The following SEPTIN12 variants were observed in gnomAD, a reference collection of about 807,000 sequenced individuals.
SEPTIN12 encodes septin 12, also known as septin-12.
A neutral mutation model predicts 37.7 loss-of-function variants in SEPTIN12; 42 were observed. The ratio of observed to expected loss-of-function variants is 1.11; its 90% CI spans 0.87 to 1.44. The LOEUF (loss-of-function observed/expected upper bound fraction) is 1.44, where lower values mean the gene tolerates loss of function less well. SEPTIN12 is among the 40% of genes most tolerant of loss of function. The pLI is 0.00. For synonymous variants in SEPTIN12, 254 were observed against 196.7 expected, an observed-to-expected ratio of 1.29 and a Z score of -2.44; for missense variants, 613 against 479.2, an observed-to-expected ratio of 1.28 and a Z score of -2.61.
rs1302642347 is a variant in SEPTIN12, at chr16:4,787,606, A to C, written c.40T>G (p.Ser14Ala). The C allele has an allele frequency of 6.2e-6, 10 of 1,603,654 alleles. No individual in the cohort carries two copies. The highest frequency in any genetic ancestry group is 5.3e-5 in the African/African-American group (4 of 74,874). Reference sequence around the variant, plus strand: ...GGGGTGCTGGGGCTGGAGGGCTGCGAGGACAGGCAGGGAGAGGGGGAGCGC... The same window carrying C: ...GGGGTGCTGGGGCTGGAGGGCTGCGCGGACAGGCAGGGAGAGGGGGAGCGC... ...LRRSPSPCLS[S>A]QPSSPSTPPC... is the part of the protein sequence containing the mutation. The change falls in exon 2 of 10, where the codon TCG becomes GCG. Residue 14 changes from serine to alanine, a missense_variant. Coordinates refer to ENST00000268231, the MANE Select transcript of SEPTIN12 (RefSeq NM_144605.5).
Position 4,779,687 on chromosome 16 carries a change from G to A in SEPTIN12, c.823+3C>T, listed in dbSNP as rs766430942. On this transcript the variant is annotated splice_donor_region_variant and intron_variant, in intron 8 of 9. Coordinates refer to ENST00000268231, the MANE Select transcript of SEPTIN12 (RefSeq NM_144605.5). ...GCATCCTACCCAGGGGCCCCGCACT[G>A]ACCTTCAATGATGCCCCACTTGGTC... 1 of 1,602,672 alleles carries A rather than the reference G, an allele frequency of 6.2e-7. No homozygotes were observed. Among genetic ancestry groups the A allele is most frequent in the Non-Finnish European group, 8.5e-7 (1 of 1,169,746 alleles).
At chr16:4,780,098 G>T (rs2141866264) in intron 7 of SEPTIN12, among the ~76,000 whole-genome samples, 1 of 151,990 alleles carries the variant, frequency 6.6e-6, no homozygotes, top group Admixed American at 6.6e-5. Flanking sequence ...AAAATTAGCT[G>T]AGCTTATAAT....
chr16:4,781,332 G>A (rs1036865635), intron 7 of SEPTIN12, among the ~76,000 whole-genome samples: 5 of 151,340 alleles, frequency 3.3e-5, no homozygotes, highest in South Asian at 4.2e-4. Context: ...TGTACGGTAC[G>A]GGGGTTTTTA....
intron 7 of SEPTIN12, among the ~76,000 whole-genome samples, chr16:4,781,545 T>G (rs1253204305): frequency 6.6e-6 from 1 of 152,128 alleles, no homozygotes; most frequent in African/African-American, 2.4e-5. Flanking sequence ...TGGAATCCCA[T>G]AATACGTGAC....
intron 7 of SEPTIN12, among the ~76,000 whole-genome samples, chr16:4,780,453 TG>T (rs1208942962): frequency 6.6e-6 from 1 of 152,148 alleles, no homozygotes; most frequent in African/African-American, 2.4e-5. Flanking sequence ...TTTTTGTCTA[TG>T]GCTGCTCTTG....
chr16:4,783,991 C>T lies in SEPTIN12; in HGVS notation c.452G>A (p.Arg151His), dbSNP rs767297935. The T allele has an allele frequency of 1.5e-5, 24 of 1,614,036 alleles. No homozygotes were observed. In the East Asian group the frequency reaches 3.1e-4, roughly 21 times the overall value. ...GTGCACCCGGGTGTCTGGGATGTGG[C>T]GCTGGCGGGTGATGAGGATCTCCTC... ...LQEEILITRQ[R>H]HIPDTRVHCC... Residue 151 changes from arginine (R) to histidine (H), a missense_variant, in exon 5 of 10, where the codon CGC becomes CAC. Arg to His is a conservative substitution (Grantham distance 29, BLOSUM62 0). Coordinates refer to ENST00000268231, the MANE Select transcript of SEPTIN12 (RefSeq NM_144605.5).
At chr16:4,782,755 C>G (rs2082385701) in intron 7 of SEPTIN12, among the ~76,000 whole-genome samples, 2 of 152,136 alleles carry the variant, frequency 1.3e-5, no homozygotes, top group South Asian at 2.1e-4. Flanking sequence ...AGGCACCCAC[C>G]ACCACGCCCA....
intron 8 of SEPTIN12, among the ~76,000 whole-genome samples, chr16:4,779,222 A>G (rs1209285290): frequency 6.6e-6 from 1 of 152,086 alleles, no homozygotes; most frequent in Non-Finnish European, 1.5e-5. Context: ...CTAGCTCCCT[A>G]AGGCAGTCTC....
upstream of SEPTIN12, among the ~76,000 whole-genome samples, chr16:4,790,790 GTAAA>G (rs574580783): frequency 3.7e-4 from 57 of 152,126 alleles, no homozygotes; most frequent in East Asian, 1.4e-3. Context: ...CCCTAGCTCA[GTAAA>G]TAAATAAATA....
chr16:4,781,848 C>A (rs992149898), intron 7 of SEPTIN12, among the ~76,000 whole-genome samples: 1 of 148,758 alleles, frequency 6.7e-6, no homozygotes, highest in Non-Finnish European at 1.5e-5. Context: ...TTCTCCATGT[C>A]GGTCAGGCTG....
Position 4,778,016 on chromosome 16 carries a change from G to A in SEPTIN12, c.876-18C>T. The A allele has an allele frequency of 1.2e-6, 2 of 1,612,322 alleles. No individual in the cohort carries two copies. Among genetic ancestry groups the A allele is most frequent in the Non-Finnish European group, 1.7e-6 (2 of 1,179,060 alleles). On this transcript the variant is annotated intron_variant, in intron 9 of 9. Transcript: ENST00000268231. ...GGTGGGAGCTGGGGGACCGGAGACG[G>A]TCAGCCCCGATGGTGGTGTCCCCAG...
chr16:4,789,021 T>C (rs2082506064), upstream of SEPTIN12, among the ~76,000 whole-genome samples: 1 of 152,228 alleles, frequency 6.6e-6, no homozygotes, highest in South Asian at 2.1e-4. Flanking sequence ...GCTGTTTCTT[T>C]TTTTGTTGTT....
chr16:4,779,888 C>G (rs1015295900), intron 7 of SEPTIN12, 102 bp from the exon 8 acceptor site: 3 of 756,774 alleles, frequency 4.0e-6, no homozygotes, highest in East Asian at 5.2e-5. Flanking sequence ...CTATCCTTTT[C>G]GAGGAGGGAA....
chr16:4,783,260 G>C, intron 7 of SEPTIN12: 1 of 598,560 alleles, frequency 1.7e-6, no homozygotes, highest in South Asian at 1.9e-5. Context: ...TATGTGATTC[G>C]CAGACATTTT....
chr16:4,778,018 C>A lies in SEPTIN12; in HGVS notation c.876-20G>T, dbSNP rs1227982901. ...TGGGAGCTGGGGGACCGGAGACGGTCAGCCCCGATGGTGGTGTCCCCAGGG... is the reference window on the plus strand; with the variant it reads ...TGGGAGCTGGGGGACCGGAGACGGTAAGCCCCGATGGTGGTGTCCCCAGGG... On this transcript the variant is annotated intron_variant, in intron 9 of 9. Transcript: ENST00000268231. 1.2e-6 allele frequency: 2 copies of A among 1,612,278 alleles called. No homozygotes were observed. The highest frequency in any genetic ancestry group is 2.7e-5 in the African/African-American group (2 of 74,926).
intron 7 of SEPTIN12, among the ~76,000 whole-genome samples, chr16:4,782,249 C>G (rs2082380560): frequency 6.6e-6 from 1 of 152,072 alleles, no homozygotes; most frequent in Non-Finnish European, 1.5e-5. Flanking sequence ...TGAGCCCAGC[C>G]TTGAACTGTA....
chr16:4,783,043 G>A (rs1268337667), intron 7 of SEPTIN12, among the ~76,000 whole-genome samples: 1 of 151,734 alleles, frequency 6.6e-6, no homozygotes, highest in Admixed American at 6.6e-5. Context: ...GAGTAGCTGG[G>A]ACTAAAGGCG....
rs1244955320 is a variant in SEPTIN12 at position 4,784,011 on chromosome 16, C to A, written c.432G>T (p.Glu144Asp). The A allele has an allele frequency of 1.9e-6, 3 of 1,614,174 alleles. No individual in the cohort carries two copies. Among genetic ancestry groups the A allele is most frequent in the Non-Finnish European group, 2.5e-6 (3 of 1,180,018 alleles). ...NEQYEQYLQEEILITRQRHIP... is the reference protein window; with the variant it reads ...NEQYEQYLQEDILITRQRHIP... Reference sequence around the variant, plus strand: ...TGTGGCGCTGGCGGGTGATGAGGATCTCCTCCTGCAGGTACTGCTCGTATT... The same window carrying A: ...TGTGGCGCTGGCGGGTGATGAGGATATCCTCCTGCAGGTACTGCTCGTATT... The change falls in exon 5 of 10, where the codon GAG (glutamate) becomes GAT (aspartate). Residue 144 changes from glutamate to aspartate, a missense_variant. Glu to Asp is a conservative substitution (Grantham distance 45, BLOSUM62 2). Transcript: ENST00000268231.
At chr16:4,790,005 C>T (rs2082527032), upstream of SEPTIN12, 1 of 151,426 alleles carries the variant, frequency 6.6e-6, no homozygotes, top group Non-Finnish European at 1.5e-5. Flanking sequence ...GCCTCGACTT[C>T]CTGGGTTCAA....
Sources: allele counts gnomAD v4.1 joint callset (sites outside exome capture counted in the v4.1 genomes callset), GRCh38; gene constraint gnomAD v4.1.1; transcripts MANE v1.5; gene names NCBI Gene and HGNC (gene_info 2026-07-23, HGNC 2026-07-21).